NEMP2: variants seen among roughly 807,000 people sequenced by gnomAD.
The protein encoded by NEMP2 is UPF0571 transmembrane protein.
A neutral mutation model predicts 54.2 loss-of-function variants in NEMP2; 53 were observed. The ratio of observed to expected loss-of-function variants is 0.98; its 90% CI spans 0.78 to 1.23. The LOEUF (loss-of-function observed/expected upper bound fraction) is 1.23, where lower values mean the gene tolerates loss of function less well. Ranked by LOEUF, NEMP2 falls within the 50% of genes most tolerant of loss-of-function variation. NEMP2 has a pLI of 0.00. For missense variants in NEMP2, 455 were observed against 511.3 expected, an observed-to-expected ratio of 0.89 and a Z score of 1.06; for synonymous variants, 197 against 190.3, an observed-to-expected ratio of 1.04 and a Z score of -0.29.
At chr2:190,439,203 T>C in the NEMP2 span, among the ~76,000 whole-genome samples, 1 of 152,008 alleles carries the variant, frequency 6.6e-6, no homozygotes, top group South Asian at 2.1e-4. The surrounding 1 kb of genome is among the most constrained non-coding windows in gnomAD (Gnocchi z 5.8). Context: ...GTTAATAATG[T>C]CTTTAAAATC....
At position 190,522,197 on chromosome 2, in the gene NEMP2, G is replaced by A. The variant is rs1690774904; in HGVS notation, c.214-3014C>T. 6.6e-6 allele frequency among the ~76,000 whole-genome samples: 1 copy of A among 151,984 alleles called. No individual in the cohort carries two copies. The highest frequency in any genetic ancestry group is 1.5e-5 in the Non-Finnish European group (1 of 67,994). ...TGATAATAACACAAACATAAAGATG[G>A]AAACAACAGACAACTGGGGACTTCA... is the stretch of plus-strand genomic sequence containing the variant. On this transcript the variant is annotated intron_variant, in intron 2 of 8. Coordinates refer to ENST00000409150, the MANE Select transcript of NEMP2 (RefSeq NM_001142645.2). The surrounding 1 kb of genome is among the most constrained non-coding windows in gnomAD (Gnocchi z 5.0).
the NEMP2 span, among the ~76,000 whole-genome samples, chr2:190,574,278 A>G: frequency 6.6e-6 from 1 of 152,224 alleles, no homozygotes; most frequent in Non-Finnish European, 1.5e-5. Flanking sequence ...CAGAAAGTTC[A>G]TGAACTCAAG....
At chr2:190,563,578 T>A in the NEMP2 span, among the ~76,000 whole-genome samples, 1 of 105,704 alleles carries the variant, frequency 9.5e-6, no homozygotes, top group East Asian at 2.6e-4. This position sits in a 1 kb window ranked among gnomAD's most constrained non-coding sequence, Gnocchi z 4.3. Flanking sequence ...GATTTTCTAT[T>A]TTTGAAAACT....
At chr2:190,453,315 G>C in the NEMP2 span, among the ~76,000 whole-genome samples, 2 of 152,076 alleles carry the variant, frequency 1.3e-5, no homozygotes, top group Non-Finnish European at 2.9e-5. Flanking sequence ...GAGGATCCTG[G>C]AGTTTGGAAC....
the NEMP2 span, among the ~76,000 whole-genome samples, chr2:190,559,453 T>C: frequency 2.0e-5 from 3 of 151,652 alleles, no homozygotes; most frequent in Admixed American, 1.3e-4. This position sits in a 1 kb window ranked among gnomAD's most constrained non-coding sequence, Gnocchi z 4.0. Flanking sequence ...TCAGGGTGAG[T>C]GTAGAGAGTC....
At chr2:190,459,929 T>C in the NEMP2 span, among the ~76,000 whole-genome samples, 1 of 152,250 alleles carries the variant, frequency 6.6e-6, no homozygotes, top group African/African-American at 2.4e-5. The surrounding 1 kb of genome is among the most constrained non-coding windows in gnomAD (Gnocchi z 5.3). Flanking sequence ...AATGTGATTC[T>C]TATGCTCTGT....
At chr2:190,515,033 A>G (rs919569297) in intron 6 of NEMP2, among the ~76,000 whole-genome samples, 1 of 152,078 alleles carries the variant, frequency 6.6e-6, no homozygotes. Flanking sequence ...TTTTATTTTT[A>G]CCTTCTTGTC....
the NEMP2 span, among the ~76,000 whole-genome samples, chr2:190,475,759 T>A: frequency 6.6e-6 from 1 of 152,088 alleles, no homozygotes; most frequent in African/African-American, 2.4e-5. Context: ...GCCAAGTGAA[T>A]CCTAAGCCAA....
At chr2:190,620,439 A>T in the NEMP2 span, 2 of 152,218 alleles carry the variant, frequency 1.3e-5, no homozygotes, top group Non-Finnish European at 2.9e-5. The surrounding 1 kb of genome is among the most constrained non-coding windows in gnomAD (Gnocchi z 4.9). Flanking sequence ...AACAAAAACA[A>T]AACAAAACAA....
chr2:190,557,019 A>G, the NEMP2 span, among the ~76,000 whole-genome samples: 2 of 152,200 alleles, frequency 1.3e-5, no homozygotes, highest in Admixed American at 6.5e-5. Context: ...CATAGTCAAG[A>G]CAATCCTAAG....
intron 6 of NEMP2, among the ~76,000 whole-genome samples, chr2:190,515,065 AC>A (rs1243848559): frequency 2.6e-5 from 4 of 152,164 alleles, no homozygotes; most frequent in African/African-American, 4.8e-5. Flanking sequence ...AGGTAATTTT[AC>A]AGTGGAGGGA....
At chr2:190,464,324 C>G in the NEMP2 span, among the ~76,000 whole-genome samples, 1 of 152,026 alleles carries the variant, frequency 6.6e-6, no homozygotes, top group Non-Finnish European at 1.5e-5. Flanking sequence ...TTGCAAAATG[C>G]TTGTTGCCAT....
At chr2:190,425,129 T>G in the NEMP2 span, among the ~76,000 whole-genome samples, 1 of 152,224 alleles carries the variant, frequency 6.6e-6, no homozygotes, top group African/African-American at 2.4e-5. This position sits in a 1 kb window ranked among gnomAD's most constrained non-coding sequence, Gnocchi z 4.3. Flanking sequence ...GTATTATAAT[T>G]TTGGTGTCCA....
chr2:190,581,205 T>A, the NEMP2 span, among the ~76,000 whole-genome samples: 1 of 152,140 alleles, frequency 6.6e-6, no homozygotes, highest in African/African-American at 2.4e-5. Context: ...GAGCTCAAGG[T>A]TTTAGTATTT....
At chr2:190,576,193 A>C in the NEMP2 span, among the ~76,000 whole-genome samples, 1 of 152,016 alleles carries the variant, frequency 6.6e-6, no homozygotes, top group East Asian at 1.9e-4. Context: ...CTAGTCTTGA[A>C]TTTCTGGTCT....
the NEMP2 span, among the ~76,000 whole-genome samples, chr2:190,545,593 C>T: frequency 6.6e-6 from 1 of 152,202 alleles, no homozygotes; most frequent in Admixed American, 6.5e-5. Flanking sequence ...GCTTTCAGTT[C>T]TTGATCATGC....
At chr2:190,568,928 C>T in the NEMP2 span, among the ~76,000 whole-genome samples, 6 of 151,996 alleles carry the variant, frequency 3.9e-5, no homozygotes, top group Non-Finnish European at 8.8e-5. This position sits in a 1 kb window ranked among gnomAD's most constrained non-coding sequence, Gnocchi z 4.7. Flanking sequence ...AGACTAAATC[C>T]GTATCTCCCA....
chr2:190,476,901 G>C, the NEMP2 span, among the ~76,000 whole-genome samples: 19 of 152,190 alleles, frequency 1.2e-4, no homozygotes, highest in African/African-American at 4.3e-4. Context: ...CATGTCCTTT[G>C]TAGGGACATG....
chr2:190,584,307 T>C, the NEMP2 span, among the ~76,000 whole-genome samples: 13 of 152,252 alleles, frequency 8.5e-5, no homozygotes, highest in East Asian at 2.5e-3. This position sits in a 1 kb window ranked among gnomAD's most constrained non-coding sequence, Gnocchi z 4.2. Context: ...AAAATTTTCT[T>C]TGAAGCAAGC....
Sources: gnomAD v4.1 joint callset for allele counts (sites outside exome capture counted in the v4.1 genomes callset) on GRCh38, gnomAD v4.1.1 for gene constraint, Gnocchi (gnomAD v3.1) non-coding constraint, MANE v1.5 for transcripts, NCBI Gene and HGNC (gene_info 2026-07-23, HGNC 2026-07-21) for gene names.